Variants in MGMT observed in about 807,000 individuals in gnomAD.
The protein encoded by MGMT is methylated-DNA--protein-cysteine methyltransferase.
Under a neutral mutation model 15.9 loss-of-function variants are expected in MGMT, and 14 were observed. The ratio of observed to expected loss-of-function variants is 0.88; its 90% CI spans 0.58 to 1.37. MGMT has a LOEUF of 1.37. Ranked by LOEUF, MGMT falls within the 40% of genes most tolerant of loss-of-function variation. MGMT has a pLI of 0.00. For missense variants in MGMT, 282 were observed against 268.1 expected (o/e 1.05, Z -0.36); for synonymous variants, 130 against 118.2 (o/e 1.10, Z -0.65).
At chr10:129,608,752 A>T (rs1048765513) in intron 2 of MGMT, among the ~76,000 whole-genome samples, 1 of 152,164 alleles carries the variant, frequency 6.6e-6, no homozygotes, top group Non-Finnish European at 1.5e-5. Flanking sequence ...TTTCTTTGGG[A>T]GGGGAGATGT....
At chr10:129,669,340 T>C in intron 2 of MGMT, among the ~76,000 whole-genome samples, 1 of 152,178 alleles carries the variant, frequency 6.6e-6, no homozygotes, top group East Asian at 1.9e-4. Context: ...TCTAATTTCC[T>C]TTTTTTCCTG....
intron 2 of MGMT, among the ~76,000 whole-genome samples, chr10:129,644,325 T>C (rs1198980837): frequency 6.6e-6 from 1 of 152,192 alleles, no homozygotes; most frequent in Non-Finnish European, 1.5e-5. Context: ...AAAGTGACAA[T>C]GGCAGTACAC....
At chr10:129,649,933 T>A (rs1352215162) in intron 2 of MGMT, among the ~76,000 whole-genome samples, 1 of 152,216 alleles carries the variant, frequency 6.6e-6, no homozygotes, top group Non-Finnish European at 1.5e-5. Context: ...CTGCCTGTAT[T>A]TTTTTTCTTC....
rs539574833 is a variant in MGMT at position 129,609,163 on chromosome 10, TG to T, written c.125+72791del. Among the ~76,000 whole-genome samples the T allele has an allele frequency of 1.4e-4, 22 of 152,230 alleles. No homozygotes were observed. In the South Asian group the frequency reaches 3.1e-3, roughly 22 times the overall value. The stretch of plus-strand genomic sequence containing the variant: ...GGTGGACATGATCCTGAGAGTCCAG[TG>T]GGGGCTGTAGCACAGGAAAGGAGGT... On this transcript the variant is annotated intron_variant, in intron 2 of 4. Transcript: ENST00000651593.
At chr10:129,469,271 A>C (rs1354696342) in intron 1 of MGMT, among the ~76,000 whole-genome samples, 1 of 152,200 alleles carries the variant, frequency 6.6e-6, no homozygotes, top group African/African-American at 2.4e-5. Context: ...ATTTTATAAT[A>C]AAATAAAGTT....
chr10:129,520,777 CTGCAGAGCCCCTATGGTGCGGG>C (rs1283993028), intron 1 of MGMT, among the ~76,000 whole-genome samples: 13 of 106,504 alleles, frequency 1.2e-4, no homozygotes, highest in African/African-American at 4.0e-4. Context: ...TAAGGTGTGC[CTGCAGAGCCCCTATGGTGCGGG>C]TGCAGAGCCC....
chr10:129,491,827 C>T (rs149572889), intron 1 of MGMT, among the ~76,000 whole-genome samples: 2 of 152,112 alleles, frequency 1.3e-5, no homozygotes, highest in African/African-American at 4.8e-5. Context: ...AAATTCTTCT[C>T]TTTCCCACTT....
At chr10:129,494,011 T>G (rs946140465) in intron 1 of MGMT, among the ~76,000 whole-genome samples, 3 of 152,234 alleles carry the variant, frequency 2.0e-5, no homozygotes, top group Non-Finnish European at 2.9e-5. Context: ...GATGGCATAG[T>G]GTCCTACTGT....
At chr10:129,588,919 G>A (rs7924302) in intron 2 of MGMT, among the ~76,000 whole-genome samples, 14 of 152,298 alleles carry the variant, frequency 9.2e-5, no homozygotes, top group African/African-American at 2.4e-4. Context: ...AGAAACTCGC[G>A]CAGATTCCCC....
At chr10:129,511,090 C>T (rs1228708942) in intron 1 of MGMT, among the ~76,000 whole-genome samples, 1 of 147,696 alleles carries the variant, frequency 6.8e-6, no homozygotes, top group Non-Finnish European at 1.5e-5. Context: ...ATACCAGACT[C>T]AGCCACGTGC....
At chr10:129,712,491 T>C (rs2133146622) in intron 3 of MGMT, among the ~76,000 whole-genome samples, 1 of 152,324 alleles carries the variant, frequency 6.6e-6, no homozygotes, top group African/African-American at 2.4e-5. Context: ...TTATAGAGCC[T>C]CAGAAAGGAT....
At chr10:129,619,196 G>C (rs971467708) in intron 2 of MGMT, among the ~76,000 whole-genome samples, 2 of 152,066 alleles carry the variant, frequency 1.3e-5, no homozygotes, top group Admixed American at 6.6e-5. Flanking sequence ...GTGCCTTTTT[G>C]CATCTGTTGT....
chr10:129,635,080 G>A (rs1252188443), intron 2 of MGMT, among the ~76,000 whole-genome samples: 1 of 152,174 alleles, frequency 6.6e-6, no homozygotes, highest in East Asian at 1.9e-4. Context: ...GCTCGCCCCG[G>A]ATGGTCTGTG....
chr10:129,474,370 C>T (rs1022906108), intron 1 of MGMT, among the ~76,000 whole-genome samples: 2 of 152,142 alleles, frequency 1.3e-5, no homozygotes, highest in Non-Finnish European at 2.9e-5. Flanking sequence ...TGGGGTCAAC[C>T]CTGGTGGCTT....
chr10:129,763,355 A>G (rs1431346577), intron 4 of MGMT, among the ~76,000 whole-genome samples: 1 of 152,180 alleles, frequency 6.6e-6, no homozygotes, highest in Non-Finnish European at 1.5e-5. Context: ...TGCCACCAAA[A>G]TTCACACAAA....
At chr10:129,538,123 CAATT>C (rs1473713959) in intron 2 of MGMT, among the ~76,000 whole-genome samples, 4 of 152,174 alleles carry the variant, frequency 2.6e-5, no homozygotes, top group South Asian at 2.1e-4. Flanking sequence ...TATGAATAGT[CAATT>C]AAGTTTAACA....
At chr10:129,707,336 C>G (rs753277167) in intron 2 of MGMT, among the ~76,000 whole-genome samples, 2 of 151,758 alleles carry the variant, frequency 1.3e-5, no homozygotes, top group Non-Finnish European at 2.9e-5. Flanking sequence ...CACAGGCACA[C>G]GAGGCACAGG....
chr10:129,509,809 T>C (rs950656164), intron 1 of MGMT, among the ~76,000 whole-genome samples: 1 of 152,218 alleles, frequency 6.6e-6, no homozygotes, highest in African/African-American at 2.4e-5. Context: ...TTAGAAAGCA[T>C]CTCCTGTCCA....
At chr10:129,615,593 G>C (rs1307864159) in intron 2 of MGMT, among the ~76,000 whole-genome samples, 1 of 152,200 alleles carries the variant, frequency 6.6e-6, no homozygotes, top group East Asian at 1.9e-4. Flanking sequence ...CTCTGCCCCA[G>C]TGCAGGCGGT....
Sources: allele counts gnomAD v4.1 joint callset (sites outside exome capture counted in the v4.1 genomes callset), GRCh38; gene constraint gnomAD v4.1.1; transcripts MANE v1.5; gene names NCBI Gene and HGNC (gene_info 2026-07-23, HGNC 2026-07-21).